LDAH: variants seen among roughly 807,000 people sequenced by gnomAD.
LDAH encodes lipid droplet associated hydrolase, also known as lipid droplet-associated hydrolase.
LDAH carries 26 observed loss-of-function variants against 29.6 expected under a neutral mutation model. The ratio of observed to expected loss-of-function variants is 0.88; its 90% CI spans 0.64 to 1.22. The LOEUF (loss-of-function observed/expected upper bound fraction) is 1.22. LDAH is among the 50% of genes most tolerant of loss of function. The probability of loss-of-function intolerance (pLI) is 0.00; values close to 1 mark genes in which losing one functional copy is unlikely to be tolerated. For missense variants in LDAH, 344 were observed against 387.3 expected (o/e 0.89, Z 0.94); for synonymous variants, 117 against 133.0 (o/e 0.88, Z 0.83).
downstream of LDAH, among the ~76,000 whole-genome samples, chr2:20,683,678 G>A (rs539387865): frequency 6.6e-6 from 1 of 152,190 alleles, no homozygotes; most frequent in South Asian, 2.1e-4. Context: ...TACAAGCCTG[G>A]TGAAACAGTG....
At chr2:20,781,335 T>C (rs1316401063) in intron 3 of LDAH, among the ~76,000 whole-genome samples, 1 of 152,208 alleles carries the variant, frequency 6.6e-6, no homozygotes, top group Non-Finnish European at 1.5e-5. Context: ...TCTACTAGAA[T>C]ATTATTTCCA....
chr2:20,729,297 T>C (rs970805927), intron 5 of LDAH, among the ~76,000 whole-genome samples: 2 of 152,228 alleles, frequency 1.3e-5, no homozygotes. Flanking sequence ...TACCTTTACA[T>C]AATTTCCTGT....
chr2:20,802,676 C>T (rs564678309), intron 1 of LDAH, among the ~76,000 whole-genome samples: 2 of 152,316 alleles, frequency 1.3e-5, no homozygotes, highest in African/African-American at 4.8e-5. Flanking sequence ...ATCAGCCTTG[C>T]ACTTTAGTCT....
At chr2:20,691,591 G>A (rs1572402258) in intron 6 of LDAH, among the ~76,000 whole-genome samples, 2 of 152,156 alleles carry the variant, frequency 1.3e-5, no homozygotes, top group African/African-American at 2.4e-5. Flanking sequence ...ACAAAGAATC[G>A]CAGGCAATCA....
chr2:20,819,626 A>T (rs1005648427), intron 1 of LDAH, among the ~76,000 whole-genome samples: 2 of 152,178 alleles, frequency 1.3e-5, no homozygotes, highest in Admixed American at 6.5e-5. Flanking sequence ...AAATAATAAG[A>T]GCTATTTATG....
chr2:20,728,264 C>T (rs1666151296), intron 5 of LDAH, among the ~76,000 whole-genome samples: 1 of 152,116 alleles, frequency 6.6e-6, no homozygotes, highest in African/African-American at 2.4e-5. Context: ...GGCATGCTGG[C>T]AGGTTAAAAG....
At chr2:20,725,596 G>A (rs1665958002) in intron 5 of LDAH, among the ~76,000 whole-genome samples, 1 of 152,214 alleles carries the variant, frequency 6.6e-6, no homozygotes, top group Non-Finnish European at 1.5e-5. Flanking sequence ...TGTAGTAGAC[G>A]CAATGTAACT....
At chr2:20,784,227 A>G (rs1670395584) in intron 3 of LDAH, among the ~76,000 whole-genome samples, 1 of 151,930 alleles carries the variant, frequency 6.6e-6, no homozygotes, top group Non-Finnish European at 1.5e-5. Flanking sequence ...GCAACATGGC[A>G]AAATCCTGTC....
chr2:20,796,455 C>T (rs969244277), intron 2 of LDAH, among the ~76,000 whole-genome samples: 2 of 152,174 alleles, frequency 1.3e-5, no homozygotes, highest in African/African-American at 4.8e-5. Context: ...TTTTTAGTCA[C>T]TCACACTTTC....
rs1038873257 is a variant in LDAH, at chr2:20,686,805, T to C, written c.*98A>G. 1 of 1,141,250 alleles carries C rather than the reference T, an allele frequency of 8.8e-7. No homozygotes were observed. Among genetic ancestry groups the C allele is most frequent in the African/African-American group, 1.6e-5 (1 of 63,806 alleles). 70.7% of individuals were successfully genotyped at this position (1,141,250 alleles called of 1,614,324 possible). On this transcript the variant is annotated 3_prime_UTR_variant, in exon 7 of 7. Coordinates refer to ENST00000237822, the MANE Select transcript of LDAH (RefSeq NM_021925.4). ...AGACAAAGGTTCTCACTTTCTTCAT[T>C]TCTAATATCAGTCTTCAAAATTAAA...
chr2:20,712,656 T>C (rs1478832537), intron 5 of LDAH, among the ~76,000 whole-genome samples: 1 of 152,248 alleles, frequency 6.6e-6, no homozygotes, highest in Middle Eastern at 3.4e-3. Context: ...ATTAGGTGAA[T>C]GGCTAACTAG....
Position 20,684,826 on chromosome 2 carries a change from G to A in LDAH, c.*2077C>T, listed in dbSNP as rs10182643. Reference sequence around the variant, plus strand: ...TTGACTGGGACATACAGGCAGAGCTGCTTCTGGAAAATGGATTTCTTCCAC... The same window carrying A: ...TTGACTGGGACATACAGGCAGAGCTACTTCTGGAAAATGGATTTCTTCCAC... On this transcript the variant is annotated 3_prime_UTR_variant, in exon 7 of 7. Coordinates refer to ENST00000237822, the MANE Select transcript of LDAH (RefSeq NM_021925.4). 2 of 1,530,552 alleles carry A rather than the reference G, an allele frequency of 1.3e-6. No individual in the cohort carries two copies. The highest frequency in any genetic ancestry group is 1.8e-6 in the Non-Finnish European group (2 of 1,136,160). The allele number at this position is 1,530,552 out of a possible 1,614,324, so 94.8% of individuals were successfully genotyped here.
intron 5 of LDAH, among the ~76,000 whole-genome samples, chr2:20,734,956 TG>T (rs1007993609): frequency 6.6e-6 from 1 of 152,244 alleles, no homozygotes; most frequent in Non-Finnish European, 1.5e-5. Flanking sequence ...CATTTTCCTT[TG>T]GGTCTCCATG....
At chr2:20,710,852 T>C (rs1288476095) in intron 5 of LDAH, among the ~76,000 whole-genome samples, 1 of 151,796 alleles carries the variant, frequency 6.6e-6, no homozygotes, top group Non-Finnish European at 1.5e-5. Context: ...CTAAGACGTC[T>C]TTCAAATATT....
chr2:20,688,197 G>C (rs2149323394), intron 6 of LDAH, among the ~76,000 whole-genome samples: 1 of 152,298 alleles, frequency 6.6e-6, no homozygotes. Flanking sequence ...GGTGCAGCTG[G>C]TCAGAAGTAG....
intron 2 of LDAH, among the ~76,000 whole-genome samples, chr2:20,800,639 T>A (rs1357327065): frequency 6.6e-6 from 1 of 151,170 alleles, no homozygotes; most frequent in Non-Finnish European, 1.5e-5. Context: ...TTTATTTTTT[T>A]AAATATTTTT....
chr2:20,685,485 G>A lies in LDAH; in HGVS notation c.*1418C>T. 5.9e-6 allele frequency: 9 copies of A among 1,530,456 alleles called. No individual in the cohort carries two copies. Among genetic ancestry groups the A allele is most frequent in the African/African-American group, 1.4e-5 (1 of 72,584 alleles). 94.8% of individuals were successfully genotyped at this position (1,530,456 alleles called of 1,614,324 possible). A position where few individuals can be genotyped will look rare whatever the true frequency, so the allele number is the denominator to read the frequency against. On this transcript the variant is annotated 3_prime_UTR_variant, in exon 7 of 7. Transcript: ENST00000237822. ...GTCTGGAGCTTGGCTTTTCCCCTCT[G>A]AGAAGTCACTTGCTGTGATGTAGAA...
intron 2 of LDAH, among the ~76,000 whole-genome samples, chr2:20,795,595 C>T (rs1671252036): frequency 6.6e-6 from 1 of 151,708 alleles, no homozygotes; most frequent in South Asian, 2.1e-4. Context: ...TAAGGTTCAT[C>T]AGAAAAAATG....
At chr2:20,790,139 G>A in intron 3 of LDAH, 116 bp downstream of exon 3, 1 of 1,029,426 alleles carries the variant, frequency 9.7e-7, no homozygotes, top group Non-Finnish European at 1.4e-6. Context: ...ATGGCACCAT[G>A]GGCCTAATGC....
Sources: gnomAD v4.1 joint callset for allele counts (sites outside exome capture counted in the v4.1 genomes callset) on GRCh38, gnomAD v4.1.1 for gene constraint, MANE v1.5 for transcripts, NCBI Gene and HGNC (gene_info 2026-07-23, HGNC 2026-07-21) for gene names.